HTR1E: variants seen among roughly 807,000 people sequenced by gnomAD.
The protein encoded by HTR1E is 5-hydroxytryptamine receptor 1E, also known as 5-HT-1E.
HTR1E carries 3 observed loss-of-function variants against 3.4 expected under a neutral mutation model. That is an observed-to-expected ratio of 0.89 (90% CI 0.41 to 2.31). The LOEUF is 2.31. Ranked by LOEUF, HTR1E falls within the 30% of genes most tolerant of loss-of-function variation. The probability of loss-of-function intolerance (pLI) is 0.05; values close to 1 mark genes in which losing one functional copy is unlikely to be tolerated. For missense variants in HTR1E, 392 were observed against 467.0 expected (o/e 0.84, Z 1.48); for synonymous variants, 170 against 182.8 (o/e 0.93, Z 0.56).
At chr6:86,964,475 T>C (rs1767447325) in intron 1 of HTR1E, among the ~76,000 whole-genome samples, 2 of 152,338 alleles carry the variant, frequency 1.3e-5, no homozygotes, top group South Asian at 2.1e-4. Context: ...GAAAATGTGA[T>C]AGCAGGTGAT....
intron 1 of HTR1E, among the ~76,000 whole-genome samples, chr6:86,998,382 T>C (rs1001443206): frequency 6.6e-6 from 1 of 152,096 alleles, no homozygotes; most frequent in African/African-American, 2.4e-5. Flanking sequence ...GCAGAATATA[T>C]TCTATGAGCC....
chr6:86,995,665 C>CAAAAAAAAAAAAAAAAAA (rs60134206), intron 1 of HTR1E, among the ~76,000 whole-genome samples: 28 of 36,652 alleles, frequency 7.6e-4, no homozygotes, highest in African/African-American at 1.5e-3. Flanking sequence ...GACTCCATCT[C>CAAAAAAAAAAAAAAAAAA]AAAAAAAAAA....
chr6:86,940,733 G>A (rs1768534384), intron 1 of HTR1E, among the ~76,000 whole-genome samples: 1 of 152,116 alleles, frequency 6.6e-6, no homozygotes, highest in Non-Finnish European at 1.5e-5. Flanking sequence ...AAAAGTGAAA[G>A]ATCAAATCTA....
chr6:86,950,410 C>A (rs933546424), intron 1 of HTR1E, among the ~76,000 whole-genome samples: 6 of 152,116 alleles, frequency 3.9e-5, no homozygotes, highest in Non-Finnish European at 7.3e-5. Context: ...GTGGGAAGGT[C>A]CATGGCCTTA....
intron 1 of HTR1E, among the ~76,000 whole-genome samples, chr6:86,938,754 G>A (rs1320196810): frequency 2.6e-5 from 4 of 152,174 alleles, no homozygotes; most frequent in Admixed American, 6.5e-5. Context: ...ATAATAGATC[G>A]TCAAATGGGT....
intron 1 of HTR1E, among the ~76,000 whole-genome samples, chr6:86,995,719 A>C (rs924077612): frequency 6.6e-6 from 1 of 150,566 alleles, no homozygotes; most frequent in Admixed American, 6.6e-5. Flanking sequence ...ACATGACCCA[A>C]CTATATGCTG....
chr6:86,964,644 T>G (rs532618809), intron 1 of HTR1E, among the ~76,000 whole-genome samples: 22 of 152,364 alleles, frequency 1.4e-4, no homozygotes, highest in African/African-American at 5.3e-4. Context: ...AGCTGTAAAC[T>G]TCTCCTTACA....
intron 1 of HTR1E, among the ~76,000 whole-genome samples, chr6:86,943,434 C>A (rs758616696): frequency 1.1e-4 from 16 of 152,190 alleles, no homozygotes; most frequent in South Asian, 4.1e-4. Context: ...GGTCAGAAGG[C>A]CTGGGTTAAT....
At chr6:86,968,063 CAT>C (rs1767499598) in intron 1 of HTR1E, among the ~76,000 whole-genome samples, 1 of 152,214 alleles carries the variant, frequency 6.6e-6, no homozygotes, top group Non-Finnish European at 1.5e-5. Context: ...ACAGTTTACA[CAT>C]GTGGTATCAC....
intron 1 of HTR1E, among the ~76,000 whole-genome samples, chr6:86,964,740 A>G (rs954404922): frequency 1.3e-5 from 2 of 152,244 alleles, no homozygotes; most frequent in Admixed American, 6.5e-5. Flanking sequence ...GAAGAACTCA[A>G]TGAAAGAGTA....
chr6:86,964,032 CA>C (rs1272874491), intron 1 of HTR1E, among the ~76,000 whole-genome samples: 1 of 152,202 alleles, frequency 6.6e-6, no homozygotes, highest in Non-Finnish European at 1.5e-5. Context: ...TTCAGGACAT[CA>C]TTCTAGAAAA....
chr6:86,955,118 G>C (rs1048657582), intron 1 of HTR1E, among the ~76,000 whole-genome samples: 2 of 152,252 alleles, frequency 1.3e-5, no homozygotes, highest in African/African-American at 4.8e-5. Flanking sequence ...GGTCTTGTCA[G>C]GGCAATCTCT....
At chr6:86,995,665 CAAAAAAAAAAAAA>C (rs60134206) in intron 1 of HTR1E, among the ~76,000 whole-genome samples, 5 of 36,694 alleles carry the variant, frequency 1.4e-4, no homozygotes, top group African/African-American at 2.0e-4. Context: ...GACTCCATCT[CAAAAAAAAAAAAA>C]AAAAAAAAAG....
intron 1 of HTR1E, among the ~76,000 whole-genome samples, chr6:86,998,982 C>A (rs1401569733): frequency 6.6e-6 from 1 of 151,926 alleles, no homozygotes; most frequent in East Asian, 1.9e-4. Flanking sequence ...TATTTTCAAA[C>A]AGAGTCTCGC....
rs796299594 is a variant in HTR1E, at chr6:86,949,705, TATA to T, written c.-186+11887_-186+11889del. ...TGTAACTAAAAATTATGATTTTTAT[TATA>T]ATAAGTTTAATTACATTTATTTAAT... is the stretch of plus-strand genomic sequence containing the variant. On this transcript the variant is annotated intron_variant, in intron 1 of 1. Coordinates refer to ENST00000305344, the MANE Select transcript of HTR1E (RefSeq NM_000865.3). Among the ~76,000 whole-genome samples the T allele has an allele frequency of 6.6e-5, 10 of 152,198 alleles. No individual in the cohort carries two copies. In the South Asian group the frequency reaches 1.9e-3, roughly 28 times the overall value.
intron 1 of HTR1E, among the ~76,000 whole-genome samples, chr6:87,011,528 A>G (rs56823658): frequency 0.068 from 10,402 of 152,214 alleles, 579 homozygotes; most frequent in African/African-American, 0.15. Flanking sequence ...GTTATATAAT[A>G]TTTTCTGGTA....
At chr6:86,963,977 G>A (rs372190388) in intron 1 of HTR1E, among the ~76,000 whole-genome samples, 1 of 152,252 alleles carries the variant, frequency 6.6e-6, no homozygotes, top group South Asian at 2.1e-4. Flanking sequence ...AAGCCCCCAT[G>A]GTCTTAGGGG....
intron 1 of HTR1E, among the ~76,000 whole-genome samples, chr6:87,014,299 G>A (rs1328189872): frequency 6.7e-6 from 1 of 149,974 alleles, no homozygotes; most frequent in Non-Finnish European, 1.5e-5. Flanking sequence ...TAATAAGGCA[G>A]GAAGCAACAG....
At chr6:86,965,325 T>C (rs1767458246) in intron 1 of HTR1E, among the ~76,000 whole-genome samples, 1 of 152,196 alleles carries the variant, frequency 6.6e-6, no homozygotes, top group Admixed American at 6.5e-5. Flanking sequence ...CTCCCCCGAC[T>C]TTCTATGAGT....
Sources: gnomAD v4.1 joint callset for allele counts (sites outside exome capture counted in the v4.1 genomes callset) on GRCh38, gnomAD v4.1.1 for gene constraint, MANE v1.5 for transcripts, NCBI Gene and HGNC (gene_info 2026-07-23, HGNC 2026-07-21) for gene names.